The following AKAP9 variants were observed in gnomAD, a reference collection of about 807,000 sequenced individuals.
AKAP9 encodes A-kinase anchor protein 9.
AKAP9 carries 311 observed loss-of-function variants against 488.5 expected under a neutral mutation model. The observed-to-expected ratio is 0.64, with a 90% CI of 0.58 to 0.70. The LOEUF (loss-of-function observed/expected upper bound fraction) is 0.70, where lower values mean the gene tolerates loss of function less well. Among genes scored for constraint, AKAP9 ranks in the 30% least tolerant of loss-of-function variants. The pLI, the probability that AKAP9 is intolerant of heterozygous loss-of-function variation, is 0.00. For synonymous variants in AKAP9, 1,462 were observed against 1,483.5 expected, an observed-to-expected ratio of 0.99 and a Z score of 0.33; for missense variants, 4,215 against 4,374.5, an observed-to-expected ratio of 0.96 and a Z score of 1.03.
In AKAP9 at chr7:91,940,883, TGGC is replaced by T. The variant is rs371245265; in HGVS notation, c.-202_-200del. On this transcript the variant is annotated 5_prime_UTR_variant, in exon 1 of 50. Coordinates refer to ENST00000356239, the MANE Select transcript of AKAP9 (RefSeq NM_005751.5). ...CCGTGTGTTTACGTGGAGACGAAGA[TGGC>T]GGCGGCGGCGGCGGTGACGGCGCTT... 2.0e-4 allele frequency: 121 copies of T among 600,444 alleles called. No individual in the cohort carries two copies. The highest frequency in any genetic ancestry group is 3.1e-4 in the Admixed American group (11 of 35,084). The allele number at this position is 600,444 out of a possible 1,614,324, so 37.2% of individuals were successfully genotyped here.
rs749716365 is a variant in AKAP9 at position 92,079,248 on chromosome 7, T to C, written c.7115T>C (p.Met2372Thr). The change falls in exon 31 of 50, where the codon ATG becomes ACG. Residue 2372 changes from methionine (M) to threonine (T), a missense_variant. Around this residue, in one of 5 missense-constraint regions of AKAP9, gnomAD observed 1,476 missense variants for 1,477.4 expected, o/e 1.00. Transcript: ENST00000356239. ...ELANIGQKTSMNAHSLSEEAD... is the reference protein window; with the variant it reads ...ELANIGQKTSTNAHSLSEEAD... ...GCAAATATTGGACAGAAGACATCAA[T>C]GAATGCTCATTCCCTCTCAGAAGAA... 3.1e-6 allele frequency: 5 copies of C among 1,614,098 alleles called. No individual in the cohort carries two copies. Among genetic ancestry groups the C allele is most frequent in the Non-Finnish European group, 4.2e-6 (5 of 1,180,006 alleles).
chr7:92,076,748 A>G, intron 28 of AKAP9, 107 bp from the exon 29 acceptor site: 1 of 643,190 alleles, frequency 1.6e-6, no homozygotes, highest in Admixed American at 3.3e-5. Flanking sequence ...CTTATGACTC[A>G]TGTTTTAAGC....
chr7:92,073,919 A>G (rs932642387), intron 28 of AKAP9, among the ~76,000 whole-genome samples: 1 of 152,244 alleles, frequency 6.6e-6, no homozygotes, highest in Non-Finnish European at 1.5e-5. Flanking sequence ...TAAAAACCCT[A>G]GAAGAAAACC....
chr7:92,012,401 TATA>T lies in AKAP9; in HGVS notation c.3319-25_3319-23del, dbSNP rs944041484. 3 of 1,565,422 alleles carry T rather than the reference TATA, an allele frequency of 1.9e-6. No homozygotes were observed. The African/African-American group carries it at 4.1e-5, about 21-fold the overall frequency. ...TATTTGATTTGTCATTTAAGAATAT[TATA>T]ATGTTTACATATGTTTACTTTAAGA... On this transcript the variant is annotated intron_variant, in intron 8 of 49. Coordinates refer to ENST00000356239, the MANE Select transcript of AKAP9 (RefSeq NM_005751.5).
intron 1 of AKAP9, among the ~76,000 whole-genome samples, chr7:91,960,654 A>G (rs1022533126): frequency 3.3e-5 from 5 of 152,150 alleles, no homozygotes; most frequent in Non-Finnish European, 7.4e-5. Flanking sequence ...TTCTGTGTTT[A>G]TCTATATTTA....
chr7:92,078,968 A>G (rs1340342268), intron 30 of AKAP9, 111 bp from the exon 31 acceptor site: 9 of 657,590 alleles, frequency 1.4e-5, no homozygotes, highest in Middle Eastern at 8.5e-4. Context: ...GAAGTAGTGT[A>G]TTATTTTTGT....
Position 92,080,118 on chromosome 7 carries a change from A to G in AKAP9, c.7985A>G (p.Lys2662Arg). The G allele has an allele frequency of 6.3e-7, 1 of 1,592,132 alleles. No homozygotes were observed. The highest frequency in any genetic ancestry group is 8.5e-7 in the Non-Finnish European group (1 of 1,175,800). Residue 2662 changes from lysine (K) to arginine (R), a missense_variant, in exon 31 of 50, where the codon AAG becomes AGG. Around this residue, in one of 5 missense-constraint regions of AKAP9, gnomAD observed 1,476 missense variants for 1,477.4 expected, o/e 1.00. Coordinates refer to ENST00000356239, the MANE Select transcript of AKAP9 (RefSeq NM_005751.5). Reference protein sequence around the residue: ...GNEKKQREKEKKRSPQDVEVL... With the variant: ...GNEKKQREKERKRSPQDVEVL... ...GAGAAAAAACAGAGAGAGAAAGAAA[A>G]GAAAAGAAGCCCTCAAGATGTTGAA...
intron 8 of AKAP9, among the ~76,000 whole-genome samples, chr7:92,010,179 T>C (rs1306847702): frequency 2.6e-5 from 4 of 152,190 alleles, no homozygotes; most frequent in African/African-American, 9.7e-5. Context: ...ACAAACCTTC[T>C]TGGGAGGCCG....
In AKAP9 at chr7:92,080,109, A is replaced by G. The variant is rs756025581; in HGVS notation, c.7976A>G (p.Glu2659Gly). The G allele has an allele frequency of 6.3e-7, 1 of 1,592,274 alleles. No homozygotes were observed. Residue 2659 changes from glutamate (E) to glycine (G), a missense_variant, in exon 31 of 50, where the codon GAG (glutamate) becomes GGG (glycine). This residue lies in a region of AKAP9 where 1,476 missense variants were observed against 1,477.4 expected (regional missense o/e 1.00). Coordinates refer to ENST00000356239, the MANE Select transcript of AKAP9 (RefSeq NM_005751.5). ...LLEGNEKKQR[E>G]KEKKRSPQDV... is the part of the protein sequence containing the mutation. The stretch of plus-strand genomic sequence containing the variant: ...GAGGGCAATGAGAAAAAACAGAGAG[A>G]GAAAGAAAAGAAAAGAAGCCCTCAA...
At chr7:92,050,038 C>T (rs1337666329) in intron 21 of AKAP9, among the ~76,000 whole-genome samples, 3 of 151,810 alleles carry the variant, frequency 2.0e-5, no homozygotes, top group East Asian at 3.9e-4. Context: ...ACCTTTGTTC[C>T]CTGCTCAAGG....
chr7:92,079,575 C>T lies in AKAP9; in HGVS notation c.7442C>T (p.Thr2481Ile). The change falls in exon 31 of 50, where the codon ACA becomes ATA. Residue 2481 changes from threonine (T) to isoleucine (I), a missense_variant. Thr to Ile is a moderately conservative substitution (Grantham distance 89, BLOSUM62 -1). This residue lies in a region of AKAP9 where 1,476 missense variants were observed against 1,477.4 expected (regional missense o/e 1.00). Transcript: ENST00000356239. The part of the protein sequence containing the change: ...EDALKSLENQ[T>I]YFKSFEENGK... ...GCTCTTAAATCCCTAGAAAATCAGA[C>T]ATACTTCAAATCTTTTGAAGAAAAT... 1 of 1,613,716 alleles carries T rather than the reference C, an allele frequency of 6.2e-7. No individual in the cohort carries two copies. The highest frequency in any genetic ancestry group is 8.5e-7 in the Non-Finnish European group (1 of 1,179,984).
At position 92,063,801 on chromosome 7, in the gene AKAP9, G is replaced by A. The variant is rs193224670; in HGVS notation, c.5977+1315G>A. Among the ~76,000 whole-genome samples, 15 of 152,224 alleles carry A rather than the reference G, an allele frequency of 9.9e-5. No individual in the cohort carries two copies. In the East Asian group the frequency reaches 2.9e-3, roughly 29 times the overall value. ...TTGTTTGTCTGTGTTTGTTTTTTGA[G>A]ATGGAGTCTTGCTCAATCACCCAGG... On this transcript the variant is annotated intron_variant, in intron 24 of 49. Coordinates refer to ENST00000356239, the MANE Select transcript of AKAP9 (RefSeq NM_005751.5).
chr7:92,034,479 T>C (rs1295923853), intron 16 of AKAP9, among the ~76,000 whole-genome samples: 1 of 120,816 alleles, frequency 8.3e-6, no homozygotes, highest in Non-Finnish European at 1.6e-5. Flanking sequence ...AGTGTATATA[T>C]CTATATATAT....
chr7:92,046,270 G>A (rs907906223), intron 21 of AKAP9, among the ~76,000 whole-genome samples: 4 of 152,210 alleles, frequency 2.6e-5, no homozygotes, highest in African/African-American at 9.7e-5. Flanking sequence ...AACATAGGAT[G>A]TGGACTCCTG....
chr7:92,077,465 A>G (rs1812800987), intron 29 of AKAP9, among the ~76,000 whole-genome samples: 1 of 152,078 alleles, frequency 6.6e-6, no homozygotes, highest in African/African-American at 2.4e-5. Flanking sequence ...TAACAGGCAG[A>G]CACATTTGCA....
intron 22 of AKAP9, among the ~76,000 whole-genome samples, chr7:92,060,504 A>G (rs1452910935): frequency 6.6e-6 from 1 of 152,162 alleles, no homozygotes; most frequent in Non-Finnish European, 1.5e-5. Context: ...CTGCAATTTC[A>G]CACAGCTCAT....
chr7:92,091,584 T>TAAA (rs1815594839), intron 38 of AKAP9, among the ~76,000 whole-genome samples: 1 of 73,424 alleles, frequency 1.4e-5, no homozygotes, highest in African/African-American at 7.7e-5. Flanking sequence ...AGACTCTGTC[T>TAAA]CAAAAAAAAA....
chr7:92,062,490 A>T lies in AKAP9; in HGVS notation c.5977+4A>T. 6.2e-7 allele frequency: 1 copy of T among 1,611,944 alleles called. No homozygotes were observed. The highest frequency in any genetic ancestry group is 8.5e-7 in the Non-Finnish European group (1 of 1,178,402). On this transcript the variant is annotated splice_donor_region_variant and intron_variant, in intron 24 of 49. Transcript: ENST00000356239. ...GAGGCAGGCCCAGTTGAACAACGTA[A>T]GTATTTTCAGAATTTGTATGAAACA...
intron 2 of AKAP9, among the ~76,000 whole-genome samples, chr7:91,975,511 T>C (rs1795552726): frequency 6.6e-6 from 1 of 152,228 alleles, no homozygotes; most frequent in Non-Finnish European, 1.5e-5. Flanking sequence ...TTGTTTTGTT[T>C]TGTTTTGTTT....
Sources: gnomAD v4.1 joint callset for allele counts (sites outside exome capture counted in the v4.1 genomes callset) on GRCh38, gnomAD v4.1.1 for gene constraint, gnomAD v4.1.1 regional missense constraint, MANE v1.5 for transcripts, NCBI Gene and HGNC (gene_info 2026-07-23, HGNC 2026-07-21) for gene names.